The following MYO1D variants were observed in gnomAD, a reference collection of about 807,000 sequenced individuals.
The protein encoded by MYO1D is myosin ID, also known as unconventional myosin-Id.
A neutral mutation model predicts 122.0 loss-of-function variants in MYO1D; 83 were observed. The ratio of observed to expected loss-of-function variants is 0.68; its 90% confidence interval spans 0.57 to 0.82. MYO1D has a LOEUF of 0.82. Among genes scored for constraint, MYO1D ranks in the 40% least tolerant of loss-of-function variants. MYO1D has a pLI of 0.00. For missense variants in MYO1D, 1,157 were observed against 1,269.5 expected, an observed-to-expected ratio of 0.91 and a Z score of 1.35; for synonymous variants, 464 against 446.9, an observed-to-expected ratio of 1.04 and a Z score of -0.48.
chr17:32,611,665 C>T (rs1414298891), intron 20 of MYO1D, among the ~76,000 whole-genome samples: 1 of 152,132 alleles, frequency 6.6e-6, no homozygotes, highest in Non-Finnish European at 1.5e-5. Context: ...ACGGTGAAAC[C>T]CCGTCTCTAC....
Position 32,638,703 on chromosome 17 carries a change from A to G in MYO1D, c.2709+19T>C, listed in dbSNP as rs748719110. The G allele has an allele frequency of 1.2e-5, 19 of 1,532,482 alleles. No homozygotes were observed. Among genetic ancestry groups the G allele is most frequent in the Non-Finnish European group, 1.6e-5 (18 of 1,106,806 alleles). 94.9% of individuals were successfully genotyped at this position (1,532,482 alleles called of 1,614,324 possible). A position where few individuals can be genotyped will look rare whatever the true frequency, so the allele number is the denominator to read the frequency against. On this transcript the variant is annotated intron_variant, in intron 20 of 21. Coordinates refer to ENST00000318217, the MANE Select transcript of MYO1D (RefSeq NM_015194.3). ...CCAGGTTAAGAATCTTTATCCAGAG[A>G]GAAGCACAGAGGACTTACATTGTAT...
chr17:32,602,276 C>T (rs2087570833), intron 21 of MYO1D, among the ~76,000 whole-genome samples: 1 of 152,066 alleles, frequency 6.6e-6, no homozygotes, highest in Admixed American at 6.5e-5. Context: ...ATGATTCTCC[C>T]CCTCATAATG....
intron 1 of MYO1D, among the ~76,000 whole-genome samples, chr17:32,815,097 C>A (rs886584593): frequency 6.6e-6 from 1 of 152,156 alleles, no homozygotes; most frequent in African/African-American, 2.4e-5. Flanking sequence ...ACACATTTTG[C>A]TGAATAATTA....
At position 32,780,639 on chromosome 17, in the gene MYO1D, T is replaced by C. The variant is rs2090225986; in HGVS notation, c.241A>G (p.Ile81Val). The C allele has an allele frequency of 1.9e-6, 3 of 1,614,126 alleles. No individual in the cohort carries two copies. The highest frequency in any genetic ancestry group is 2.5e-6 in the Non-Finnish European group (3 of 1,180,014). The change falls in exon 2 of 22, where the codon ATT becomes GTT. Residue 81 changes from isoleucine to valine, a missense_variant. By Grantham distance (29) the Ile-to-Val change is conservative (BLOSUM62 3). Transcript: ENST00000318217. ...LYERPPHLFA[I>V]ADAAYKAMKR... Reference sequence around the variant, plus strand: ...ATAGCCTTGTAAGCAGCATCCGCAATAGCAAAAAGGTGAGGCGGTCTCTCA... The same window carrying C: ...ATAGCCTTGTAAGCAGCATCCGCAACAGCAAAAAGGTGAGGCGGTCTCTCA...
chr17:32,768,037 C>G (rs1041639835), intron 6 of MYO1D, among the ~76,000 whole-genome samples: 1 of 152,190 alleles, frequency 6.6e-6, no homozygotes, highest in Admixed American at 6.5e-5. Flanking sequence ...AAGCTGATCC[C>G]CCACTCCATG....
At chr17:32,521,926 AC>A (rs1388699485) in intron 21 of MYO1D, among the ~76,000 whole-genome samples, 1 of 152,078 alleles carries the variant, frequency 6.6e-6, no homozygotes, top group Non-Finnish European at 1.5e-5. Flanking sequence ...TACCAAAAAT[AC>A]AAAAATTAGC....
chr17:32,766,616 C>T (rs1037653422), intron 7 of MYO1D, among the ~76,000 whole-genome samples: 3 of 151,930 alleles, frequency 2.0e-5, no homozygotes, highest in African/African-American at 7.3e-5. Flanking sequence ...TATGGTGAAA[C>T]CCCGTCTCTA....
At chr17:32,518,192 T>G in intron 21 of MYO1D, 1 of 198,496 alleles carries the variant, frequency 5.0e-6, no homozygotes, top group Non-Finnish European at 1.1e-5. Flanking sequence ...CCCCTTCTCA[T>G]TTCTTTCGTC....
chr17:32,594,594 CT>C, intron 21 of MYO1D: 2 of 652,436 alleles, frequency 3.1e-6, no homozygotes, highest in Non-Finnish European at 2.7e-6. Context: ...TATTATTGGC[CT>C]TTTCAGAAAT....
rs114400365 is a variant in MYO1D, at chr17:32,761,673, C to T, written c.1036-1046G>A. On this transcript the variant is annotated intron_variant, in intron 8 of 21. Transcript: ENST00000318217. ...ATAATATGACTCCCAAAAGTATTAT[C>T]CAAATCCAGACTCAGAGAACAGTCT... is the stretch of plus-strand genomic sequence containing the variant. Among the ~76,000 whole-genome samples the T allele has an allele frequency of 3.6e-3, 555 of 152,202 alleles. 3 individuals carry two copies. Among genetic ancestry groups the T allele is most frequent in the African/African-American group, 0.012 (518 of 41,510 alleles).
At chr17:32,840,230 G>T (rs563968581) in intron 1 of MYO1D, among the ~76,000 whole-genome samples, 1 of 152,330 alleles carries the variant, frequency 6.6e-6, no homozygotes, top group South Asian at 2.1e-4. Flanking sequence ...AGAGGATCTG[G>T]GGAGTTCAGG....
intron 10 of MYO1D, among the ~76,000 whole-genome samples, chr17:32,758,686 A>G (rs1395002220): frequency 6.6e-6 from 1 of 152,086 alleles, no homozygotes; most frequent in East Asian, 1.9e-4. Flanking sequence ...TGTCTTCTTA[A>G]TGTGTGTTTA....
At chr17:32,749,129 G>T in intron 11 of MYO1D, 123 bp from the exon 12 acceptor site, 1 of 869,622 alleles carries the variant, frequency 1.1e-6, no homozygotes, top group Non-Finnish European at 1.8e-6. Context: ...TGTGGGGCTT[G>T]ATTTAAAAAT....
At chr17:32,564,153 G>C (rs1481715877) in intron 21 of MYO1D, among the ~76,000 whole-genome samples, 1 of 152,252 alleles carries the variant, frequency 6.6e-6, no homozygotes, top group Admixed American at 6.5e-5. Context: ...GCCTGCAGGT[G>C]CTGGAGCCCT....
intron 14 of MYO1D, among the ~76,000 whole-genome samples, chr17:32,726,506 A>T (rs980738108): frequency 2.6e-5 from 4 of 151,080 alleles, no homozygotes; most frequent in African/African-American, 9.7e-5. Flanking sequence ...TTAAAAAAAT[A>T]GGAAGAGAAA....
intron 20 of MYO1D, among the ~76,000 whole-genome samples, chr17:32,627,234 T>C (rs1450492055): frequency 6.6e-6 from 1 of 152,206 alleles, no homozygotes; most frequent in African/African-American, 2.4e-5. Context: ...TAAAGAGAAC[T>C]AATAAATATA....
chr17:32,780,720 A>G lies in MYO1D; in HGVS notation c.160T>C (p.Leu54=), dbSNP rs2090227674. 1.2e-6 allele frequency: 2 copies of G among 1,614,182 alleles called. No homozygotes were observed. The highest frequency in any genetic ancestry group is 2.7e-5 in the African/African-American group (2 of 75,026). The part of the protein sequence containing the change: ...EVVVSVNPYK[L]LNIYGRDTIE... The stretch of plus-strand genomic sequence containing the variant: ...GTGTCTCTTCCATAGATGTTCAACA[A>G]CTTGTAAGGGTTCACAGAAACGACG... Residue 54 remains leucine (L), a synonymous_variant, in exon 2 of 22, where the codon TTG becomes CTG. Coordinates refer to ENST00000318217, the MANE Select transcript of MYO1D (RefSeq NM_015194.3).
intron 21 of MYO1D, among the ~76,000 whole-genome samples, chr17:32,514,096 G>C (rs1204210274): frequency 2.6e-5 from 4 of 151,908 alleles, no homozygotes; most frequent in Admixed American, 6.6e-5. Flanking sequence ...ACAAAAATTG[G>C]CCAGGCATAG....
chr17:32,738,521 G>T, intron 13 of MYO1D, 136 bp from the exon 14 acceptor site: 1 of 875,366 alleles, frequency 1.1e-6, no homozygotes, highest in Non-Finnish European at 1.6e-6. Flanking sequence ...TAATTGGAAT[G>T]ATGATTCCAT....
Sources: allele counts gnomAD v4.1 joint callset (sites outside exome capture counted in the v4.1 genomes callset), GRCh38; gene constraint gnomAD v4.1.1; transcripts MANE v1.5; gene names NCBI Gene and HGNC (gene_info 2026-07-23, HGNC 2026-07-21).